The following ANKRD44 variants were observed in gnomAD, a reference collection of about 807,000 sequenced individuals.
ANKRD44 encodes the protein ankyrin repeat domain 44, also known as serine/threonine-protein phosphatase 6 regulatory ankyrin repeat subunit B.
ANKRD44 carries 35 observed loss-of-function variants against 116.0 expected under a neutral mutation model. That is an observed-to-expected ratio of 0.30 (90% CI 0.23 to 0.40). The LOEUF is 0.40. Among genes scored for constraint, ANKRD44 ranks in the 10% least tolerant of loss-of-function variants. The probability of loss-of-function intolerance (pLI) is 1.00; values close to 1 mark genes in which losing one functional copy is unlikely to be tolerated. For synonymous variants in ANKRD44, 435 were observed against 461.8 expected, an observed-to-expected ratio of 0.94 and a Z score of 0.74; for missense variants, 1,014 against 1,242.6, an observed-to-expected ratio of 0.82 and a Z score of 2.77.
chr2:197,294,967 A>G (rs1268065127), intron 1 of ANKRD44, among the ~76,000 whole-genome samples: 1 of 152,192 alleles, frequency 6.6e-6, no homozygotes, highest in Non-Finnish European at 1.5e-5. Context: ...TAAAAATCCT[A>G]TAGAAAAGGC....
intron 16 of ANKRD44, among the ~76,000 whole-genome samples, chr2:197,076,782 T>C (rs2077677166): frequency 6.6e-6 from 1 of 151,612 alleles, no homozygotes; most frequent in East Asian, 2.0e-4. Flanking sequence ...TGTGTTTGTT[T>C]GCTAAAGATT....
chr2:197,133,504 A>G (rs2079138848), intron 4 of ANKRD44, among the ~76,000 whole-genome samples: 1 of 152,218 alleles, frequency 6.6e-6, no homozygotes, highest in Non-Finnish European at 1.5e-5. Flanking sequence ...TCAAACCCTG[A>G]GAGATCAATT....
chr2:197,170,169 G>A (rs1334633240), intron 2 of ANKRD44, among the ~76,000 whole-genome samples: 4 of 121,196 alleles, frequency 3.3e-5, no homozygotes, highest in African/African-American at 1.0e-4. Context: ...CAGCCTGGGC[G>A]ATAGAACAAG....
At position 197,022,175 on chromosome 2, in the gene ANKRD44, T is replaced by C. The variant is rs369946028; in HGVS notation, c.1722+3021A>G. On this transcript the variant is annotated intron_variant, in intron 17 of 27. Transcript: ENST00000282272. ...CCTTGGGTTTTATCAAGTTAATTGC[T>C]ACTGAGGCCCCTAGAGAGGGTGATG... is the stretch of plus-strand genomic sequence containing the variant. 5.0e-4 allele frequency among the ~76,000 whole-genome samples: 76 copies of C among 152,288 alleles called. 2 individuals carry two copies. The East Asian group carries it at 0.014, about 27-fold the overall frequency.
intron 16 of ANKRD44, among the ~76,000 whole-genome samples, chr2:197,032,036 A>G (rs1469231666): frequency 6.6e-6 from 1 of 152,136 alleles, no homozygotes; most frequent in Non-Finnish European, 1.5e-5. Context: ...CCTAGAATAA[A>G]CTTTTAGTCA....
At chr2:197,281,700 C>T (rs1291489852) in intron 1 of ANKRD44, among the ~76,000 whole-genome samples, 1 of 152,174 alleles carries the variant, frequency 6.6e-6, no homozygotes, top group Admixed American at 6.6e-5. Context: ...ACGTTTACTG[C>T]ATTTCCTCTA....
intron 3 of ANKRD44, among the ~76,000 whole-genome samples, chr2:197,138,096 G>A (rs750885171): frequency 5.9e-5 from 9 of 152,178 alleles, no homozygotes; most frequent in Non-Finnish European, 8.8e-5. Flanking sequence ...TCTGCACAGC[G>A]AGGCTAACAA....
intron 18 of ANKRD44, among the ~76,000 whole-genome samples, chr2:197,010,523 T>A (rs1016584871): frequency 2.6e-5 from 4 of 152,162 alleles, no homozygotes; most frequent in Non-Finnish European, 4.4e-5. Flanking sequence ...TGCACTCCTG[T>A]GCACACCAAT....
chr2:197,277,653 T>C (rs999588378), intron 1 of ANKRD44, among the ~76,000 whole-genome samples: 3 of 152,126 alleles, frequency 2.0e-5, no homozygotes, highest in East Asian at 1.9e-4. Flanking sequence ...TCCCAGATGA[T>C]AGAGCTTAAC....
In ANKRD44 at chr2:197,025,057, G is replaced by A. The variant is rs540220325; in HGVS notation, c.1722+139C>T. On this transcript the variant is annotated intron_variant, in intron 17 of 27. Transcript: ENST00000282272. ...GAAGGCGAGGCAGTCTGTCTCCACA[G>A]CCTGTGCCTTTTACCACGGACTACT... 20 of 754,062 alleles carry A rather than the reference G, an allele frequency of 2.7e-5. No individual in the cohort carries two copies. In the East Asian group the frequency reaches 4.9e-4, roughly 18 times the overall value. The allele number at this position is 754,062 out of a possible 1,614,324, so 46.7% of individuals were successfully genotyped here. A position where few individuals can be genotyped will look rare whatever the true frequency, so the allele number is the denominator to read the frequency against.
chr2:197,301,831 C>G lies in ANKRD44; in HGVS notation c.27+8747G>C, dbSNP rs541674215. On this transcript the variant is annotated intron_variant, in intron 1 of 27. Coordinates refer to ENST00000282272, the MANE Select transcript of ANKRD44 (RefSeq NM_001195144.2). ...AACAAAATAATCTTTGTCCTGTTAT[C>G]TATATCTTAGCCACATGTAAGTTTT... Among the ~76,000 whole-genome samples, 12 of 152,310 alleles carry G rather than the reference C, an allele frequency of 7.9e-5. No individual in the cohort carries two copies. In the South Asian group the frequency reaches 2.5e-3, roughly 32 times the overall value.
intron 3 of ANKRD44, among the ~76,000 whole-genome samples, chr2:197,145,030 A>C (rs923351364): frequency 1.3e-5 from 2 of 152,160 alleles, no homozygotes; most frequent in Non-Finnish European, 2.9e-5. Flanking sequence ...GGTGGCTCAC[A>C]CCTGTAATCC....
At position 196,988,122 on chromosome 2, in the gene ANKRD44, T is replaced by C. The variant is rs2075860261; in HGVS notation, c.*1469A>G. 1.0e-6 allele frequency: 1 copy of C among 985,242 alleles called. No homozygotes were observed. The highest frequency in any genetic ancestry group is 1.1e-4 in the East Asian group (1 of 8,804). 61.0% of individuals were successfully genotyped at this position (985,242 alleles called of 1,614,324 possible). A position where few individuals can be genotyped will look rare whatever the true frequency, so the allele number is the denominator to read the frequency against. On this transcript the variant is annotated 3_prime_UTR_variant, in exon 28 of 28. Coordinates refer to ENST00000282272, the MANE Select transcript of ANKRD44 (RefSeq NM_001195144.2). ...CATGGAGATAACGTCTCATGGTGAG[T>C]CACTGCTTTGCTGAAATGATTCTTG...
At chr2:197,008,889 C>T in intron 19 of ANKRD44, 55 bp downstream of exon 19, 1 of 1,502,456 alleles carries the variant, frequency 6.7e-7, no homozygotes, top group Non-Finnish European at 9.3e-7. Context: ...AGAAACCAAC[C>T]AGGTAGCTGC....
At chr2:197,266,812 T>G (rs1395683866) in intron 1 of ANKRD44, among the ~76,000 whole-genome samples, 1 of 152,148 alleles carries the variant, frequency 6.6e-6, no homozygotes, top group African/African-American at 2.4e-5. Flanking sequence ...AGAGTCAGTT[T>G]TGAGCATCTG....
intron 3 of ANKRD44, among the ~76,000 whole-genome samples, chr2:197,142,962 A>G (rs1421473991): frequency 6.6e-6 from 1 of 151,758 alleles, no homozygotes; most frequent in East Asian, 1.9e-4. Context: ...CAACCTAGCA[A>G]GACCCCATCT....
At chr2:197,136,759 A>G in intron 3 of ANKRD44, 97 bp from the exon 4 acceptor site, 2 of 981,582 alleles carry the variant, frequency 2.0e-6, no homozygotes, top group South Asian at 1.4e-5. Flanking sequence ...TTTGCCTGAC[A>G]TAACCACCAC....
intron 17 of ANKRD44, among the ~76,000 whole-genome samples, chr2:197,018,152 T>C (rs575363189): frequency 6.6e-6 from 1 of 152,332 alleles, no homozygotes; most frequent in South Asian, 2.1e-4. Flanking sequence ...CCTATCCTTG[T>C]CCCACTGCAA....
chr2:197,268,685 G>A (rs1389542531), intron 1 of ANKRD44, among the ~76,000 whole-genome samples: 3 of 152,068 alleles, frequency 2.0e-5, no homozygotes, highest in East Asian at 1.9e-4. Context: ...GGAAGAATGC[G>A]GTGAATGGGA....
Sources: gnomAD v4.1 joint callset for allele counts (sites outside exome capture counted in the v4.1 genomes callset) on GRCh38, gnomAD v4.1.1 for gene constraint, MANE v1.5 for transcripts, NCBI Gene and HGNC (gene_info 2026-07-23, HGNC 2026-07-21) for gene names.